The following LIMS2 variants were observed in gnomAD, a reference collection of about 807,000 sequenced individuals.
LIMS2 encodes LIM and senescent cell antigen-like-containing domain protein 2.
A neutral mutation model predicts 45.3 loss-of-function variants in LIMS2; 30 were observed. That is an observed-to-expected ratio of 0.66 (90% CI 0.50 to 0.90). LIMS2 has a LOEUF of 0.90. Ranked by LOEUF, LIMS2 falls within the 40% of genes least tolerant of loss-of-function variation. The pLI is 0.00. For synonymous variants in LIMS2, 173 were observed against 188.0 expected (o/e 0.92, Z 0.65); for missense variants, 485 against 468.7 (o/e 1.03, Z -0.32).
chr2:127,648,277 A>T, intron 4 of LIMS2: 1 of 832,048 alleles, frequency 1.2e-6, no homozygotes. Context: ...GCCGGGGGCA[A>T]TCTTTTCAGG....
At position 127,672,788 on chromosome 2, in the gene LIMS2, T is replaced by A. The variant is rs1685326975; in HGVS notation, c.11+2226A>T. On this transcript the variant is annotated intron_variant, in intron 1 of 9. Coordinates refer to ENST00000355119, the MANE Select transcript of LIMS2 (RefSeq NM_001161403.3). This position sits in a 1 kb window ranked among gnomAD's most constrained non-coding sequence, Gnocchi z 4.9. Reference sequence around the variant, plus strand: ...TCACTTTGGTGGCTCCCCACAGCCCTCCCTCTGCTCTTGCCTGGTGAGGTC... The same window carrying A: ...TCACTTTGGTGGCTCCCCACAGCCCACCCTCTGCTCTTGCCTGGTGAGGTC... 6.6e-6 allele frequency among the ~76,000 whole-genome samples: 1 copy of A among 152,122 alleles called. No individual in the cohort carries two copies. The highest frequency in any genetic ancestry group is 2.1e-4 in the South Asian group (1 of 4,824).
intron 1 of LIMS2, among the ~76,000 whole-genome samples, chr2:127,662,197 C>T (rs553000220): frequency 1.3e-5 from 2 of 152,306 alleles, no homozygotes; most frequent in South Asian, 4.1e-4. Context: ...ACCTCAACTT[C>T]CTCGTTTATA....
chr2:127,639,871 T>C (rs1436362922), intron 9 of LIMS2, among the ~76,000 whole-genome samples, 199 bp downstream of exon 9: 1 of 146,088 alleles, frequency 6.8e-6, no homozygotes, highest in East Asian at 1.9e-4. Context: ...TCACTGTGCC[T>C]GGGGTCCCTG....
upstream of LIMS2, among the ~76,000 whole-genome samples, chr2:127,678,717 G>C (rs560654217): frequency 6.6e-6 from 1 of 152,292 alleles, no homozygotes; most frequent in African/African-American, 2.4e-5. This position sits in a 1 kb window ranked among gnomAD's most constrained non-coding sequence, Gnocchi z 5.3. Flanking sequence ...ACAGCCGTGG[G>C]AGTCAAGAGG....
At chr2:127,657,101 G>C (rs1558890520) in intron 2 of LIMS2, among the ~76,000 whole-genome samples, 3 of 152,184 alleles carry the variant, frequency 2.0e-5, no homozygotes. Context: ...TGTGCTCACT[G>C]TCTAGTCCCC....
rs1684005332 is a variant in LIMS2, at chr2:127,653,485, C to T, written c.359+939G>A. Among the ~76,000 whole-genome samples, 1 of 152,222 alleles carries T rather than the reference C, an allele frequency of 6.6e-6. No individual in the cohort carries two copies. Among genetic ancestry groups the T allele is most frequent in the South Asian group, 2.1e-4 (1 of 4,830 alleles). ...AGTGGAGCCTGGAATTCTCCAGACA[C>T]ATGTGCCATTTAGGGCTCTAGGATT... is the stretch of plus-strand genomic sequence containing the variant. On this transcript the variant is annotated intron_variant, in intron 4 of 9. Coordinates refer to ENST00000355119, the MANE Select transcript of LIMS2 (RefSeq NM_001161403.3). This position sits in a 1 kb window ranked among gnomAD's most constrained non-coding sequence, Gnocchi z 5.3.
chr2:127,650,949 C>G (rs1391139505), intron 4 of LIMS2: 5 of 1,613,850 alleles, frequency 3.1e-6, no homozygotes, highest in Non-Finnish European at 2.5e-6. Flanking sequence ...GTTCCTGATG[C>G]ATCTGGCCGT....
At chr2:127,646,872 C>T (rs1160021373) in intron 4 of LIMS2, among the ~76,000 whole-genome samples, 5 of 152,260 alleles carry the variant, frequency 3.3e-5, no homozygotes, top group Non-Finnish European at 5.9e-5. Context: ...GGGCCCATCT[C>T]AGACCAAACT....
In LIMS2 at chr2:127,657,499, G is replaced by A. The variant is rs199821222; in HGVS notation, c.75C>T (p.Ala25=). 70 of 1,613,282 alleles carry A rather than the reference G, an allele frequency of 4.3e-5. No individual in the cohort carries two copies. The highest frequency in any genetic ancestry group is 4.0e-4 in the East Asian group (18 of 44,880). The stretch of plus-strand genomic sequence containing the variant: ...CCCCATTGCTGTTGACAATGCGCTC[G>A]GCGGGGGAGAAGCGGGCCTGGCAGC... The part of the protein sequence containing the change: ...CQRCQARFSP[A]ERIVNSNGEL... The change falls in exon 2 of 10, where the codon GCC becomes GCT. Residue 25 remains alanine (A), a synonymous_variant. Coordinates refer to ENST00000355119, the MANE Select transcript of LIMS2 (RefSeq NM_001161403.3).
intron 1 of LIMS2, among the ~76,000 whole-genome samples, chr2:127,673,186 A>G (rs1685347549): frequency 6.6e-6 from 1 of 152,202 alleles, no homozygotes; most frequent in Non-Finnish European, 1.5e-5. Flanking sequence ...CAGATCGCTC[A>G]CAGCTGCGTC....
chr2:127,652,033 A>C (rs1438360292), intron 4 of LIMS2: 10 of 470,796 alleles, frequency 2.1e-5, no homozygotes, highest in Non-Finnish European at 1.9e-5. Flanking sequence ...CCGGAAGAAC[A>C]ACCCCTGAAC....
intron 1 of LIMS2, among the ~76,000 whole-genome samples, chr2:127,680,943 C>T (rs13427641): frequency 0.067 from 10,220 of 152,290 alleles, 483 homozygotes; most frequent in South Asian, 0.19. Flanking sequence ...TCCTCACCTG[C>T]GGGGCACCTG....
chr2:127,640,360 C>G, intron 7 of LIMS2, 42 bp from the exon 8 acceptor site: 1 of 1,601,642 alleles, frequency 6.2e-7, no homozygotes, highest in Middle Eastern at 2.0e-4. Flanking sequence ...CAGGCAGTCA[C>G]ACCCCAGCCC....
intron 1 of LIMS2, among the ~76,000 whole-genome samples, chr2:127,661,362 G>A (rs111460382): frequency 4.6e-5 from 7 of 152,240 alleles, no homozygotes; most frequent in African/African-American, 1.2e-4. Context: ...AGGGCAAAGC[G>A]CTGGATAAGG....
At position 127,672,155 on chromosome 2, in the gene LIMS2, G is replaced by A. The variant is rs1165694968; in HGVS notation, c.11+2859C>T. ...CCACTGAGCTCACGTGGCCGTGGGT[G>A]TCAACATCCCAGGCTCCATTTCCAG... On this transcript the variant is annotated intron_variant, in intron 1 of 9. Coordinates refer to ENST00000355119, the MANE Select transcript of LIMS2 (RefSeq NM_001161403.3). This position sits in a 1 kb window ranked among gnomAD's most constrained non-coding sequence, Gnocchi z 4.9. 2.6e-5 allele frequency among the ~76,000 whole-genome samples: 4 copies of A among 152,218 alleles called. No individual in the cohort carries two copies. Among genetic ancestry groups the A allele is most frequent in the African/African-American group, 7.2e-5 (3 of 41,448 alleles).
intron 1 of LIMS2, among the ~76,000 whole-genome samples, chr2:127,659,996 C>T (rs1210603448): frequency 6.6e-6 from 1 of 152,206 alleles, no homozygotes; most frequent in African/African-American, 2.4e-5. Flanking sequence ...TCCTCCCTCG[C>T]CGTTTCATAA....
chr2:127,641,059 G>T, intron 6 of LIMS2, 71 bp from the exon 7 acceptor site: 1 of 1,257,342 alleles, frequency 8.0e-7, no homozygotes. Context: ...GTGGTGACCC[G>T]GGGACAACAG....
upstream of LIMS2, among the ~76,000 whole-genome samples, chr2:127,677,878 A>G (rs537937058): frequency 7.2e-4 from 109 of 152,350 alleles, 1 homozygote; most frequent in African/African-American, 2.5e-3. This position sits in a 1 kb window ranked among gnomAD's most constrained non-coding sequence, Gnocchi z 5.0. Flanking sequence ...GACTGCCCTG[A>G]GGTGGCAGGA....
intron 4 of LIMS2, among the ~76,000 whole-genome samples, chr2:127,644,803 C>A (rs1432585016): frequency 2.0e-5 from 3 of 152,220 alleles, no homozygotes; most frequent in Non-Finnish European, 4.4e-5. Context: ...ACCACCTTTC[C>A]AACCAGCCTG....
Sources: allele counts gnomAD v4.1 joint callset (sites outside exome capture counted in the v4.1 genomes callset), GRCh38; gene constraint gnomAD v4.1.1; non-coding constraint Gnocchi (gnomAD v3.1); transcripts MANE v1.5; gene names NCBI Gene and HGNC (gene_info 2026-07-23, HGNC 2026-07-21).